SH3RF3: variants seen among roughly 807,000 people sequenced by gnomAD.
SH3RF3 encodes the protein E3 ubiquitin-protein ligase SH3RF3.
Under a neutral mutation model 66.3 loss-of-function variants are expected in SH3RF3, and 29 were observed. The observed-to-expected ratio is 0.44, with a 90% CI of 0.33 to 0.60. The LOEUF (loss-of-function observed/expected upper bound fraction) is 0.60, where lower values mean the gene tolerates loss of function less well. Among genes scored for constraint, SH3RF3 ranks in the 20% least tolerant of loss-of-function variants. SH3RF3 has a pLI of 0.04. For synonymous variants in SH3RF3, 583 were observed against 532.0 expected, an observed-to-expected ratio of 1.10 and a Z score of -1.32; for missense variants, 1,194 against 1,190.9, an observed-to-expected ratio of 1.00 and a Z score of -0.04.
chr2:109,315,671 AG>A (rs1284226533), intron 1 of SH3RF3, among the ~76,000 whole-genome samples: 3 of 152,214 alleles, frequency 2.0e-5, no homozygotes, highest in Non-Finnish European at 2.9e-5. Flanking sequence ...CAGTCTATAA[AG>A]GGGCGAGCTC....
chr2:109,141,884 C>T (rs1011326146), intron 1 of SH3RF3, among the ~76,000 whole-genome samples: 2 of 152,092 alleles, frequency 1.3e-5, no homozygotes, highest in Non-Finnish European at 2.9e-5. Flanking sequence ...AGTCTGCTGT[C>T]GGCTGCCTGC....
At chr2:109,183,802 AG>A (rs534137337) in intron 1 of SH3RF3, among the ~76,000 whole-genome samples, 274 of 152,274 alleles carry the variant, frequency 1.8e-3, no homozygotes, top group African/African-American at 5.9e-3. Flanking sequence ...GGTAAGGCCA[AG>A]GGGGTTAAGT....
intron 1 of SH3RF3, among the ~76,000 whole-genome samples, chr2:109,238,232 T>C (rs1398203064): frequency 2.0e-5 from 3 of 152,114 alleles, no homozygotes; most frequent in Non-Finnish European, 4.4e-5. Flanking sequence ...ATGGTTTTTA[T>C]GAAGACTAAT....
chr2:109,246,016 G>C (rs937427373), intron 1 of SH3RF3, among the ~76,000 whole-genome samples: 3 of 152,222 alleles, frequency 2.0e-5, no homozygotes, highest in Non-Finnish European at 4.4e-5. Context: ...CAAAAAAAGA[G>C]CATGGATTTT....
At chr2:109,378,069 C>A (rs1393114671) in intron 3 of SH3RF3, among the ~76,000 whole-genome samples, 1 of 152,196 alleles carries the variant, frequency 6.6e-6, no homozygotes, top group Admixed American at 6.5e-5. Context: ...CTGGGCCAGG[C>A]GGGATGTGTT....
chr2:109,224,531 A>C (rs1182556767), intron 1 of SH3RF3, among the ~76,000 whole-genome samples: 1 of 152,164 alleles, frequency 6.6e-6, no homozygotes, highest in Non-Finnish European at 1.5e-5. Context: ...TGAGCTCATG[A>C]ATGTGGCCGG....
chr2:109,413,720 C>G (rs1008656593), intron 4 of SH3RF3, among the ~76,000 whole-genome samples: 2 of 152,214 alleles, frequency 1.3e-5, no homozygotes, highest in African/African-American at 4.8e-5. Context: ...ATAGACATGT[C>G]ATGAGGGCCA....
chr2:109,284,179 G>A (rs1553498584), intron 1 of SH3RF3, among the ~76,000 whole-genome samples: 1 of 152,184 alleles, frequency 6.6e-6, no homozygotes, highest in Non-Finnish European at 1.5e-5. Context: ...GGGGAAGGGG[G>A]TTGGGGCCTG....
intron 1 of SH3RF3, among the ~76,000 whole-genome samples, chr2:109,145,771 G>A (rs1677083091): frequency 6.6e-6 from 1 of 152,230 alleles, no homozygotes; most frequent in South Asian, 2.1e-4. Flanking sequence ...GAACCCAGGA[G>A]CAGTATTGGT....
intron 3 of SH3RF3, among the ~76,000 whole-genome samples, chr2:109,382,410 C>T (rs1022515456): frequency 1.3e-5 from 2 of 152,170 alleles, no homozygotes; most frequent in African/African-American, 4.8e-5. Context: ...CTGCGCCCAG[C>T]CCACTGGCCA....
rs183980947 is a variant in SH3RF3 at position 109,174,159 on chromosome 2, A to C, written c.573+44046A>C. Among the ~76,000 whole-genome samples, 11 of 152,372 alleles carry C rather than the reference A, an allele frequency of 7.2e-5. No homozygotes were observed. The East Asian group carries it at 2.1e-3, about 29-fold the overall frequency. ...GCAGAGCCTCCCAACCAGAGGCTCC[A>C]GGATGTTGTGGAGTTCATGAAGGTA... On this transcript the variant is annotated intron_variant, in intron 1 of 9. Coordinates refer to ENST00000309415, the MANE Select transcript of SH3RF3 (RefSeq NM_001099289.3).
chr2:109,194,554 A>T lies in SH3RF3; in HGVS notation c.573+64441A>T, dbSNP rs1407093029. Among the ~76,000 whole-genome samples the T allele has an allele frequency of 4.0e-5, 6 of 151,884 alleles. No individual in the cohort carries two copies. In the South Asian group the frequency reaches 1.2e-3, roughly 32 times the overall value. On this transcript the variant is annotated intron_variant, in intron 1 of 9. Transcript: ENST00000309415. ...CCAGCAGCACTGAAGGGCGAGGAGC[A>T]CCCCCACTTTCAGGGCCCGGCGGGC...
chr2:109,245,371 T>C (rs1379841569), intron 1 of SH3RF3, among the ~76,000 whole-genome samples: 1 of 152,210 alleles, frequency 6.6e-6, no homozygotes, highest in Non-Finnish European at 1.5e-5. Context: ...TAACTGGAAT[T>C]CCCTCTTGGT....
intron 1 of SH3RF3, among the ~76,000 whole-genome samples, chr2:109,324,855 A>G (rs1206053641): frequency 6.6e-6 from 1 of 152,180 alleles, no homozygotes; most frequent in African/African-American, 2.4e-5. Flanking sequence ...GGTGTGTGCA[A>G]GCACGCACGC....
At chr2:109,202,153 C>T (rs1318636125) in intron 1 of SH3RF3, among the ~76,000 whole-genome samples, 3 of 152,186 alleles carry the variant, frequency 2.0e-5, no homozygotes, top group African/African-American at 7.2e-5. Flanking sequence ...GCACTTACAG[C>T]TTGTAGATGA....
At chr2:109,359,434 T>C (rs1323197897) in intron 2 of SH3RF3, among the ~76,000 whole-genome samples, 2 of 152,242 alleles carry the variant, frequency 1.3e-5, no homozygotes, top group African/African-American at 4.8e-5. Context: ...AGTTCTCCTT[T>C]GATTTCTTTC....
chr2:109,389,026 G>C (rs1675907547), intron 3 of SH3RF3, among the ~76,000 whole-genome samples: 1 of 152,196 alleles, frequency 6.6e-6, no homozygotes, highest in Non-Finnish European at 1.5e-5. Context: ...AGCTACACCA[G>C]GAGCCCATCA....
chr2:109,400,549 G>A (rs183184269), intron 4 of SH3RF3, among the ~76,000 whole-genome samples: 22 of 148,510 alleles, frequency 1.5e-4, no homozygotes, highest in Middle Eastern at 3.6e-3. Context: ...GCACACACAC[G>A]TACGTATACA....
At chr2:109,426,773 TGAAA>T (rs1400446956) in intron 5 of SH3RF3, among the ~76,000 whole-genome samples, 3 of 152,162 alleles carry the variant, frequency 2.0e-5, no homozygotes, top group East Asian at 3.9e-4. Context: ...AAATCTATCA[TGAAA>T]GAAAGAGTCA....
Sources: allele counts gnomAD v4.1 joint callset (sites outside exome capture counted in the v4.1 genomes callset), GRCh38; gene constraint gnomAD v4.1.1; transcripts MANE v1.5; gene names NCBI Gene and HGNC (gene_info 2026-07-23, HGNC 2026-07-21).